The following RNF144A variants were observed in gnomAD, a reference collection of about 807,000 sequenced individuals.
RNF144A encodes the protein ring finger protein 144A.
RNF144A carries 11 observed loss-of-function variants against 38.7 expected under a neutral mutation model. That is an observed-to-expected ratio of 0.28 (90% CI 0.18 to 0.47). The LOEUF is 0.47. Among genes scored for constraint, RNF144A ranks in the 20% least tolerant of loss-of-function variants. RNF144A has a pLI of 0.99. For missense variants in RNF144A, 316 were observed against 377.2 expected, an observed-to-expected ratio of 0.84 and a Z score of 1.34; for synonymous variants, 149 against 143.9, an observed-to-expected ratio of 1.04 and a Z score of -0.25.
intron 3 of RNF144A, among the ~76,000 whole-genome samples, chr2:7,003,070 G>GTATTTGTACTATGTATA (rs568460627): frequency 0.014 from 2,168 of 152,142 alleles, 53 homozygotes; most frequent in African/African-American, 0.05. Context: ...ACACACACAT[G>GTATTTGTACTATGTATA]TATTTGTACT....
chr2:7,014,014 A>G (rs1670979872), intron 3 of RNF144A, among the ~76,000 whole-genome samples: 1 of 152,262 alleles, frequency 6.6e-6, no homozygotes, highest in Non-Finnish European at 1.5e-5. Flanking sequence ...GTTTTCACAT[A>G]TGAAAAATGG....
chr2:7,066,139 G>C (rs1674207346), intron 6 of RNF144A, among the ~76,000 whole-genome samples: 1 of 151,436 alleles, frequency 6.6e-6, no homozygotes, highest in Non-Finnish European at 1.5e-5. Flanking sequence ...CCAGGCTGGA[G>C]TTCAGTGGCC....
At chr2:6,967,964 G>A (rs1312473689) in intron 2 of RNF144A, among the ~76,000 whole-genome samples, 1 of 152,182 alleles carries the variant, frequency 6.6e-6, no homozygotes, top group Non-Finnish European at 1.5e-5. Flanking sequence ...AGCATTTTAA[G>A]GAACAGTGTT....
At chr2:7,009,863 C>T (rs1385131013) in intron 3 of RNF144A, among the ~76,000 whole-genome samples, 2 of 152,176 alleles carry the variant, frequency 1.3e-5, no homozygotes, top group Non-Finnish European at 2.9e-5. Context: ...GGGCTCCAGC[C>T]CTCCTGCTGG....
rs188146543 is a variant in RNF144A at position 6,984,028 on chromosome 2, G to C, written c.-11-12888G>C. 3.9e-5 allele frequency among the ~76,000 whole-genome samples: 6 copies of C among 152,298 alleles called. No homozygotes were observed. In the East Asian group the frequency reaches 1.2e-3, roughly 29 times the overall value. On this transcript the variant is annotated intron_variant, in intron 2 of 8. Coordinates refer to ENST00000320892, the MANE Select transcript of RNF144A (RefSeq NM_014746.6). ...ACAATCCCCATCTTGTCTGTGGATG[G>C]TTGCAGTTACCTCCCAATGGGCCAC...
intron 2 of RNF144A, among the ~76,000 whole-genome samples, chr2:6,983,625 C>T (rs982032924): frequency 2.6e-5 from 4 of 152,216 alleles, no homozygotes; most frequent in African/African-American, 9.6e-5. Context: ...CACCCACTCT[C>T]CTGGAGGATT....
In RNF144A at chr2:7,018,381, C is replaced by T. The variant is rs114088878; in HGVS notation, c.302-2092C>T. On this transcript the variant is annotated intron_variant, in intron 5 of 8. Coordinates refer to ENST00000320892, the MANE Select transcript of RNF144A (RefSeq NM_014746.6). ...ATCTCATCAGGGACAAAGCTGGGCT[C>T]ACCCCACAGCACTCACAGAGGGCAG... is the stretch of plus-strand genomic sequence containing the variant. 8.8e-3 allele frequency among the ~76,000 whole-genome samples: 1,337 copies of T among 152,356 alleles called. 28 individuals are homozygous for T. The highest frequency in any genetic ancestry group is 0.031 in the African/African-American group (1,279 of 41,578).
chr2:7,026,312 T>C (rs1202227872), intron 7 of RNF144A, among the ~76,000 whole-genome samples: 2 of 152,152 alleles, frequency 1.3e-5, no homozygotes, highest in African/African-American at 4.8e-5. Flanking sequence ...CTGGGTAAAA[T>C]GTCACCATCT....
chr2:6,957,635 C>A (rs184816595), intron 2 of RNF144A, among the ~76,000 whole-genome samples: 137 of 152,308 alleles, frequency 9.0e-4, no homozygotes, highest in African/African-American at 3.3e-3. Context: ...TTGCATAGAG[C>A]TGACCCTCAA....
chr2:6,960,957 A>G (rs567994469), intron 2 of RNF144A, among the ~76,000 whole-genome samples: 87 of 152,256 alleles, frequency 5.7e-4, no homozygotes, highest in Non-Finnish European at 7.9e-4. Flanking sequence ...GCCAATTTCA[A>G]TTGTGTGTGC....
In RNF144A at chr2:7,040,239, C is replaced by A; in HGVS notation, c.*479C>A. The A allele has an allele frequency of 3.0e-6, 3 of 985,792 alleles. No homozygotes were observed. Among genetic ancestry groups the A allele is most frequent in the Non-Finnish European group, 3.6e-6 (3 of 830,242 alleles). The allele number at this position is 985,792 out of a possible 1,614,324, so 61.1% of individuals were successfully genotyped here. A position where few individuals can be genotyped will look rare whatever the true frequency, so the allele number is the denominator to read the frequency against. The stretch of plus-strand genomic sequence containing the variant: ...ATTACTAATGGCATTTAGTAAAATC[C>A]TTTTTAGAAGGTATTTTTTTTCCAA... On this transcript the variant is annotated 3_prime_UTR_variant, in exon 9 of 9. Coordinates refer to ENST00000320892, the MANE Select transcript of RNF144A (RefSeq NM_014746.6).
chr2:7,014,403 A>G, intron 3 of RNF144A, 51 bp from the exon 4 acceptor site: 1 of 1,208,532 alleles, frequency 8.3e-7, no homozygotes, highest in Non-Finnish European at 1.2e-6. Context: ...TGGTTTCTTC[A>G]GCATTAAGGA....
chr2:7,054,202 T>C (rs1468082638), intron 6 of RNF144A, among the ~76,000 whole-genome samples: 1 of 152,122 alleles, frequency 6.6e-6, no homozygotes, highest in African/African-American at 2.4e-5. Context: ...GAGAGAACAG[T>C]GTGAGAGAGC....
At chr2:6,923,651 A>T (rs1664683236) in intron 1 of RNF144A, among the ~76,000 whole-genome samples, 1 of 152,220 alleles carries the variant, frequency 6.6e-6, no homozygotes, top group East Asian at 1.9e-4. Context: ...CATTGCACAG[A>T]TGAGAAGATG....
intron 6 of RNF144A, among the ~76,000 whole-genome samples, chr2:7,023,121 G>A (rs1196305812): frequency 1.3e-5 from 2 of 152,200 alleles, no homozygotes; most frequent in African/African-American, 2.4e-5. Flanking sequence ...CACATAAATC[G>A]CACAGCTAGG....
intron 8 of RNF144A, among the ~76,000 whole-genome samples, chr2:7,034,585 C>G (rs1400196368): frequency 1.3e-5 from 2 of 152,206 alleles, no homozygotes; most frequent in African/African-American, 4.8e-5. Context: ...GTGAAGGACA[C>G]CTGGTAGCAC....
intron 1 of RNF144A, among the ~76,000 whole-genome samples, chr2:6,940,220 A>AT (rs1258087450): frequency 2.0e-5 from 3 of 152,174 alleles, no homozygotes; most frequent in East Asian, 3.8e-4. Context: ...TGGGATGTCT[A>AT]TTTTTTAGGG....
At chr2:7,054,973 T>C (rs1673674680) in intron 6 of RNF144A, among the ~76,000 whole-genome samples, 1 of 152,182 alleles carries the variant, frequency 6.6e-6, no homozygotes, top group African/African-American at 2.4e-5. Context: ...AAACCTCTCC[T>C]GCTGAAGCCA....
chr2:7,024,430 T>C lies in RNF144A; in HGVS notation c.571T>C (p.Tyr191His). 2 of 1,613,242 alleles carry C rather than the reference T, an allele frequency of 1.2e-6. No individual in the cohort carries two copies. The highest frequency in any genetic ancestry group is 1.7e-6 in the Non-Finnish European group (2 of 1,179,158). The change falls in exon 7 of 9, where the codon TAC (tyrosine) becomes CAC (histidine). Residue 191 changes from tyrosine to histidine, a missense_variant. By Grantham distance (83) the Tyr-to-His change is moderately conservative. Transcript: ENST00000320892. ...PIKRCPKCKV[Y>H]IERDEGCAQM... is the part of the protein sequence containing the mutation. ...CAAGCGCTGCCCCAAGTGCAAAGTC[T>C]ACATCGAGCGAGACGAAGGCTGCGC...
Sources: gnomAD v4.1 joint callset for allele counts (sites outside exome capture counted in the v4.1 genomes callset) on GRCh38, gnomAD v4.1.1 for gene constraint, MANE v1.5 for transcripts, NCBI Gene and HGNC (gene_info 2026-07-23, HGNC 2026-07-21) for gene names.